HCFC1: variants seen among roughly 807,000 people sequenced by gnomAD.
HCFC1 encodes the protein host cell factor 1.
Under a neutral mutation model 105.5 loss-of-function variants are expected in HCFC1, and 7 were observed. That is an observed-to-expected ratio of 0.07 (90% CI 0.04 to 0.12). HCFC1 has a LOEUF of 0.12. HCFC1 is among the 10% of genes least tolerant of loss of function. HCFC1 has a pLI of 1.00. For missense variants in HCFC1, 1,065 were observed against 1,823.6 expected (o/e 0.58, Z 7.58); for synonymous variants, 918 against 828.1 (o/e 1.11, Z -1.86).
Position 153,971,219 on chromosome X carries a change from C to T in HCFC1, c.-379G>A. 1 of 308,699 alleles carries T rather than the reference C, an allele frequency of 3.2e-6. No individual in the cohort carries two copies. Among genetic ancestry groups the T allele is most frequent in the South Asian group, 1.4e-4 (1 of 7,045 alleles). The allele number at this position is 308,699 out of a possible 1,213,427, so 25.4% of individuals were successfully genotyped here. On this transcript the variant is annotated 5_prime_UTR_variant, in exon 1 of 26. Coordinates refer to ENST00000310441, the MANE Select transcript of HCFC1 (RefSeq NM_005334.3). ...CCCTTCCTCAGTCGTAGCCCTCCCC[C>T]GCCGGAAATGGCGGAGCCCCGGCCC...
intron 5 of HCFC1, among the ~76,000 whole-genome samples, chrX:153,961,925 A>G (rs1208891199): frequency 8.9e-6 from 1 of 112,106 alleles, no homozygotes; most frequent in Non-Finnish European, 1.9e-5. Context: ...GGACATCCAC[A>G]AAGACACCCA....
Position 153,950,817 on chromosome X carries a change from C to T in HCFC1, c.5699G>A (p.Ser1900Asn). The T allele has an allele frequency of 8.3e-7, 1 of 1,209,475 alleles. No individual in the cohort carries two copies. Residue 1900 changes from serine (S) to asparagine (N), a missense_variant, in exon 23 of 26, where the codon AGC becomes AAC. This residue lies in a region of HCFC1 where 32 missense variants were observed against 68.3 expected (regional missense o/e 0.47). Transcript: ENST00000310441. Reference protein sequence around the residue: ...FPGAPCAIKISKSPDGAHLTW... With the variant: ...FPGAPCAIKINKSPDGAHLTW... ...CCACCCCACAGCAAGACTCACTTTG[C>T]TGATTTTAATGGCACAAGGGGCCCC... is the stretch of plus-strand genomic sequence containing the variant.
chrX:153,969,274 G>A (rs1557119295), intron 1 of HCFC1: 1 of 111,102 alleles, frequency 9.0e-6, no homozygotes, highest in African/African-American at 3.3e-5. Flanking sequence ...TCACCGCTCA[G>A]GACACAAAGC....
chrX:153,951,724 T>A lies in HCFC1; in HGVS notation c.5261-17A>T. The A allele has an allele frequency of 8.4e-7, 1 of 1,194,194 alleles. No individual in the cohort carries two copies. Among genetic ancestry groups the A allele is most frequent in the Non-Finnish European group, 1.1e-6 (1 of 885,650 alleles). On this transcript the variant is annotated splice_polypyrimidine_tract_variant and intron_variant, in intron 20 of 25. Coordinates refer to ENST00000310441, the MANE Select transcript of HCFC1 (RefSeq NM_005334.3). ...GAGCCAGGCCTAGGAAGAAAGAAGG[T>A]GTCAGCGGGAAAGACTCGGGAAACC...
rs1557113034 is a variant in HCFC1 at position 153,952,849 on chromosome X, G to A, written c.4607C>T (p.Ser1536Leu). The A allele has an allele frequency of 8.4e-7, 1 of 1,189,694 alleles. No homozygotes were observed. Among genetic ancestry groups the A allele is most frequent in the Non-Finnish European group, 1.1e-6 (1 of 885,079 alleles). Residue 1536 changes from serine (S) to leucine (L), a missense_variant, in exon 19 of 26, where the codon TCA (serine) becomes TTA (leucine). Ser to Leu is a moderately radical substitution (Grantham distance 145). This residue lies in a region of HCFC1 where 546 missense variants were observed against 599.9 expected (regional missense o/e 0.91). Transcript: ENST00000310441. ...CGGGAGCTCAGGGGTCTGGGAGGCT[G>A]ACAGGACCTCGGCGGACTCCCCCAT... The part of the protein sequence containing the change: ...ALMGESAEVL[S>L]ASQTPELPAA...
At chrX:153,949,694 C>T in intron 24 of HCFC1, 78 bp from the exon 25 acceptor site, 3 of 929,769 alleles carry the variant, frequency 3.2e-6, no homozygotes, top group Non-Finnish European at 3.1e-6. Flanking sequence ...TGCCCGCCTG[C>T]AGAGTCTCTT....
At chrX:153,964,341 C>T (rs1279872188) in intron 2 of HCFC1, 57 bp from the exon 3 acceptor site, 1 of 1,074,118 alleles carries the variant, frequency 9.3e-7, no homozygotes, top group Non-Finnish European at 1.2e-6. Context: ...CCACTAGGGA[C>T]CCGGGGCAAC....
chrX:153,958,844 G>T, intron 9 of HCFC1, 78 bp from the exon 10 acceptor site: 1 of 776,971 alleles, frequency 1.3e-6, no homozygotes, highest in Non-Finnish European at 1.8e-6. Context: ...ACCGGAACCT[G>T]CCCAGGGGCT....
At chrX:153,962,679 G>T (rs2065440426) in intron 4 of HCFC1, among the ~76,000 whole-genome samples, 1 of 112,226 alleles carries the variant, frequency 8.9e-6, no homozygotes, top group Non-Finnish European at 1.9e-5. Flanking sequence ...TCTCTCACGG[G>T]AAACTGCTTC....
At chrX:153,962,888 G>A (rs1302948581) in intron 4 of HCFC1, among the ~76,000 whole-genome samples, 1 of 112,173 alleles carries the variant, frequency 8.9e-6, no homozygotes, top group Non-Finnish European at 1.9e-5. Flanking sequence ...CCAGGATGCA[G>A]CACTCCACAC....
At chrX:153,955,650 C>T in intron 16 of HCFC1, 108 bp from the exon 17 acceptor site, 1 of 819,718 alleles carries the variant, frequency 1.2e-6, no homozygotes, top group Non-Finnish European at 1.7e-6. Context: ...GACCACTTCT[C>T]AACGGCCCTG....
rs1357566543 is a variant in HCFC1 at position 153,948,636 on chromosome X, AAC to A, written c.*709_*710del. ...GAACTTCACCAATTGCAACCTAAAA[AAC>A]ACAACAAATGCAGCAGTTGGCAGTG... On this transcript the variant is annotated 3_prime_UTR_variant, in exon 26 of 26. Coordinates refer to ENST00000310441, the MANE Select transcript of HCFC1 (RefSeq NM_005334.3). The A allele has an allele frequency of 6.2e-5, 7 of 113,328 alleles. No individual in the cohort carries two copies. Among genetic ancestry groups the A allele is most frequent in the Non-Finnish European group, 1.1e-4 (6 of 53,343 alleles). 9.3% of individuals were successfully genotyped at this position (113,328 alleles called of 1,213,427 possible).
chrX:153,963,095 A>G, intron 4 of HCFC1, 130 bp downstream of exon 4: 1 of 521,833 alleles, frequency 1.9e-6, no homozygotes. Flanking sequence ...TGACAAGAGG[A>G]AAGCACGAAG....
intron 2 of HCFC1, 144 bp from the exon 3 acceptor site, chrX:153,964,428 G>C (rs1410387954): frequency 1.3e-5 from 11 of 866,600 alleles, no homozygotes; most frequent in African/African-American, 2.0e-5. Flanking sequence ...GTTGGTCCTT[G>C]CTGCCTTCTT....
intron 1 of HCFC1, among the ~76,000 whole-genome samples, chrX:153,968,915 G>A (rs1388974461): frequency 3.6e-5 from 4 of 111,982 alleles, no homozygotes; most frequent in South Asian, 7.3e-4. Context: ...TCCTGCTACT[G>A]CAGCTGCCTG....
Position 153,954,171 on chromosome X carries a change from G to A in HCFC1, c.4228C>T (p.Pro1410Ser). 8.4e-7 allele frequency: 1 copy of A among 1,187,925 alleles called. No individual in the cohort carries two copies. The highest frequency in any genetic ancestry group is 1.1e-6 in the Non-Finnish European group (1 of 883,647). Residue 1410 changes from proline to serine, a missense_variant, in exon 17 of 26, where the codon CCT becomes TCT. By Grantham distance (74) the Pro-to-Ser change is moderately conservative. Coordinates refer to ENST00000310441, the MANE Select transcript of HCFC1 (RefSeq NM_005334.3). ...GAGCACACCCTCTGTGTTGGGAAAG[G>A]AGCCAGCAGCGCGGTGCCAGCCTGG... ...TPQAGTALLA[P>S]FPTQRVCSNP...
intron 24 of HCFC1, among the ~76,000 whole-genome samples, chrX:153,949,922 G>A (rs782727357): frequency 2.7e-4 from 30 of 112,304 alleles, no homozygotes; most frequent in Non-Finnish European, 5.5e-4. Context: ...ACAGGAGGCA[G>A]GCTGGCCTCC....
chrX:153,952,293 G>A, intron 19 of HCFC1, 135 bp from the exon 20 acceptor site: 1 of 1,026,108 alleles, frequency 9.7e-7, no homozygotes, highest in Non-Finnish European at 1.3e-6. Context: ...CTAAGCCCTG[G>A]CCGAGGGGCC....
chrX:153,961,588 G>A lies in HCFC1; in HGVS notation c.858C>T (p.His286=), dbSNP rs1557116939. 7.4e-6 allele frequency: 9 copies of A among 1,209,575 alleles called. No homozygotes were observed. The highest frequency in any genetic ancestry group is 3.0e-5 in the East Asian group (1 of 33,845). Residue 286 remains histidine, a synonymous_variant, in exon 6 of 26, where the codon CAC becomes CAT. Coordinates refer to ENST00000310441, the MANE Select transcript of HCFC1 (RefSeq NM_005334.3). The part of the protein sequence containing the change: ...LVMDDVKVAT[H]EKEWKCTNTL... Reference sequence around the variant, plus strand: ...TGTTGGTACACTTCCACTCCTTCTCGTGTGTGGCCACTTTGACGTCATCCA... The same window carrying A: ...TGTTGGTACACTTCCACTCCTTCTCATGTGTGGCCACTTTGACGTCATCCA...
Sources: allele counts gnomAD v4.1 joint callset (sites outside exome capture counted in the v4.1 genomes callset), GRCh38; gene constraint gnomAD v4.1.1; regional missense constraint gnomAD v4.1.1; transcripts MANE v1.5; gene names NCBI Gene and HGNC (gene_info 2026-07-23, HGNC 2026-07-21).